The following SS18 variants were observed in gnomAD, a reference collection of about 807,000 sequenced individuals.
SS18 encodes protein SSXT.
SS18 carries 28 observed loss-of-function variants against 72.5 expected under a neutral mutation model. That is an observed-to-expected ratio of 0.39 (90% CI 0.29 to 0.53). SS18 has a LOEUF of 0.53. SS18 is among the 20% of genes least tolerant of loss of function. SS18 has a pLI of 0.76. For synonymous variants in SS18, 172 were observed against 164.2 expected (o/e 1.05, Z -0.37); for missense variants, 518 against 535.3 (o/e 0.97, Z 0.32).
chr18:26,068,401 GTTTTTGTATGGC>G (rs2054256406), intron 3 of SS18: 1 of 152,122 alleles, frequency 6.6e-6, no homozygotes, highest in Non-Finnish European at 1.5e-5. Flanking sequence ...GTGACAGTAG[GTTTTTGTATGGC>G]TTTTTGTAGT....
chr18:26,019,392 C>T (rs1292393868), intron 10 of SS18, among the ~76,000 whole-genome samples: 1 of 152,140 alleles, frequency 6.6e-6, no homozygotes, highest in Non-Finnish European at 1.5e-5. Flanking sequence ...ACATTCTAGA[C>T]TTGAAATACT....
chr18:26,078,081 G>A lies in SS18; in HGVS notation c.226C>T (p.Pro76Ser), dbSNP rs560233338. ...DSNQNMQSLLPAPPTQNMPMG... is the reference protein window; with the variant it reads ...DSNQNMQSLLSAPPTQNMPMG... ...ATGATTTTAAAGATACTTACTGCTGGTAAAAGAGACTGCATATTTTGATTA... is the reference window on the plus strand; with the variant it reads ...ATGATTTTAAAGATACTTACTGCTGATAAAAGAGACTGCATATTTTGATTA... Residue 76 changes from proline to serine, a missense_variant, in exon 3 of 11, where the codon CCA (proline) becomes TCA (serine). Transcript: ENST00000415083. The A allele has an allele frequency of 6.2e-7, 1 of 1,608,652 alleles. No individual in the cohort carries two copies. Among genetic ancestry groups the A allele is most frequent in the East Asian group, 2.2e-5 (1 of 44,678 alleles).
chr18:26,090,776 AGCCCTGGCCGAACTTTCTTGACC>A (rs2054714040), upstream of SS18: 2 of 599,028 alleles, frequency 3.3e-6, no homozygotes, highest in Non-Finnish European at 5.9e-6. Context: ...GGGGACCCCT[AGCCCTGGCCGAACTTTCTTGACC>A]GTCCCTGCAT....
At position 26,032,547 on chromosome 18, in the gene SS18, C is replaced by T. The variant is rs1449528368; in HGVS notation, c.1097-15G>A. ...CTGTGAAGGACCTGAAAATAATGTA[C>T]ACAACAAAAACCCACATAAAAAGGT... On this transcript the variant is annotated splice_polypyrimidine_tract_variant and intron_variant, in intron 9 of 10. Coordinates refer to ENST00000415083, the MANE Select transcript of SS18 (RefSeq NM_001007559.3). 1.9e-6 allele frequency: 3 copies of T among 1,612,120 alleles called. No homozygotes were observed. Among genetic ancestry groups the T allele is most frequent in the East Asian group, 2.2e-5 (1 of 44,850 alleles).
At position 26,024,340 on chromosome 18, in the gene SS18, G is replaced by C. The variant is rs1384188969; in HGVS notation, c.1231-5960C>G. 7.2e-5 allele frequency among the ~76,000 whole-genome samples: 11 copies of C among 152,202 alleles called. No individual in the cohort carries two copies. The South Asian group carries it at 2.1e-3, about 29-fold the overall frequency. On this transcript the variant is annotated intron_variant, in intron 10 of 10. Transcript: ENST00000415083. Reference sequence around the variant, plus strand: ...GGGTGGTGATGGCTGCACTTTTTTGGGGGGACAGGATATTAGCTCTGTCAC... The same window carrying C: ...GGGTGGTGATGGCTGCACTTTTTTGCGGGGACAGGATATTAGCTCTGTCAC...
At chr18:26,086,847 T>C (rs1321069865) in intron 2 of SS18, among the ~76,000 whole-genome samples, 1 of 152,180 alleles carries the variant, frequency 6.6e-6, no homozygotes, top group South Asian at 2.1e-4. Flanking sequence ...ACTATACATA[T>C]ATTTGAAGTC....
At chr18:26,055,753 TTTTTTTTTTTTTG>T (rs2054007720) in intron 4 of SS18, among the ~76,000 whole-genome samples, 1 of 145,994 alleles carries the variant, frequency 6.8e-6, no homozygotes, top group Non-Finnish European at 1.5e-5. Flanking sequence ...TTCTTTCTGT[TTTTTTTTTTTTTG>T]TTTTTTTTTT....
intron 3 of SS18, among the ~76,000 whole-genome samples, chr18:26,065,082 C>T (rs1252561012): frequency 6.6e-6 from 1 of 152,046 alleles, no homozygotes; most frequent in Non-Finnish European, 1.5e-5. Context: ...AAAGAGTTCA[C>T]AAAATGGAAG....
Position 26,090,589 on chromosome 18 carries a change from T to C in SS18, c.-20A>G. On this transcript the variant is annotated 5_prime_UTR_variant, in exon 1 of 11. Transcript: ENST00000415083. ...AGACATGTTGCCGCCGTCACCACTA[T>C]CGGCAAGTCCCGAGCGCTCCGGGTG... 6.4e-7 allele frequency: 1 copy of C among 1,567,146 alleles called. No individual in the cohort carries two copies. The highest frequency in any genetic ancestry group is 1.2e-5 in the South Asian group (1 of 85,046).
chr18:26,037,594 CA>C (rs2053647430), intron 7 of SS18, among the ~76,000 whole-genome samples: 1 of 151,868 alleles, frequency 6.6e-6, no homozygotes, highest in Non-Finnish European at 1.5e-5. Flanking sequence ...GATGTTTTTT[CA>C]AATATCCTAA....
chr18:26,065,816 T>TATATATATATATATATATAC (rs2054204772), intron 3 of SS18, among the ~76,000 whole-genome samples: 1 of 133,640 alleles, frequency 7.5e-6, no homozygotes, highest in Non-Finnish European at 1.6e-5. Context: ...TATATATATA[T>TATATATATATATATATATAC]ATATATATGA....
intron 1 of SS18, chr18:26,090,216 A>G: frequency 2.2e-6 from 1 of 458,220 alleles, no homozygotes; most frequent in South Asian, 3.0e-5. Flanking sequence ...CGCGCCCCGC[A>G]GCCCGAACGC....
At chr18:26,072,328 C>T (rs887105332) in intron 3 of SS18, among the ~76,000 whole-genome samples, 1 of 150,670 alleles carries the variant, frequency 6.6e-6, no homozygotes, top group African/African-American at 2.4e-5. Context: ...ACCTGTAATC[C>T]CAGCACTTTG....
chr18:26,038,490 A>G (rs1473041365), intron 7 of SS18, 65 bp downstream of exon 7: 4 of 1,438,858 alleles, frequency 2.8e-6, no homozygotes, highest in Non-Finnish European at 3.9e-6. Context: ...AATGTTTTAA[A>G]TAACTCTCTA....
rs1039554524 is a variant in SS18, at chr18:26,063,315, C to G, written c.232-5573G>C. ...CGGGTGGATCACGAGGTCAGGAGAT[C>G]GAGACCATCCTGGCTAACAAGGTGA... is the stretch of plus-strand genomic sequence containing the variant. On this transcript the variant is annotated intron_variant, in intron 3 of 10. Coordinates refer to ENST00000415083, the MANE Select transcript of SS18 (RefSeq NM_001007559.3). Among the ~76,000 whole-genome samples the G allele has an allele frequency of 4.6e-5, 7 of 152,000 alleles. No homozygotes were observed. The South Asian group carries it at 6.2e-4, about 14-fold the overall frequency.
chr18:26,036,317 A>C (rs1414269327), intron 7 of SS18, among the ~76,000 whole-genome samples: 1 of 152,212 alleles, frequency 6.6e-6, no homozygotes, highest in East Asian at 1.9e-4. Flanking sequence ...GCTGGTCTCC[A>C]ATTCCACAGC....
chr18:26,065,429 T>C (rs2054195137), intron 3 of SS18, among the ~76,000 whole-genome samples: 1 of 152,048 alleles, frequency 6.6e-6, no homozygotes, highest in South Asian at 2.1e-4. Context: ...CATCTAATCG[T>C]TAAAGAATGA....
chr18:26,060,063 T>A (rs1219881164), intron 3 of SS18, among the ~76,000 whole-genome samples: 1 of 152,162 alleles, frequency 6.6e-6, no homozygotes, highest in Non-Finnish European at 1.5e-5. Flanking sequence ...TAAAAAGAAT[T>A]GAAAACACAC....
intron 5 of SS18, among the ~76,000 whole-genome samples, chr18:26,039,731 T>G (rs2053691347): frequency 6.6e-6 from 1 of 152,194 alleles, no homozygotes; most frequent in African/African-American, 2.4e-5. Context: ...ATATAATATA[T>G]GAACATCCTG....
Sources: allele counts gnomAD v4.1 joint callset (sites outside exome capture counted in the v4.1 genomes callset), GRCh38; gene constraint gnomAD v4.1.1; transcripts MANE v1.5; gene names NCBI Gene and HGNC (gene_info 2026-07-23, HGNC 2026-07-21).